The following TJP1 variants were observed in gnomAD, a reference collection of about 807,000 sequenced individuals.
The protein encoded by TJP1 is tight junction protein ZO-1.
A neutral mutation model predicts 194.2 loss-of-function variants in TJP1; 43 were observed. The ratio of observed to expected loss-of-function variants is 0.22; its 90% CI spans 0.17 to 0.29. The LOEUF is 0.29. Among genes scored for constraint, TJP1 ranks in the 10% least tolerant of loss-of-function variants. TJP1 has a pLI of 1.00. For missense variants in TJP1, 1,971 were observed against 2,185.7 expected (o/e 0.90, Z 1.96); for synonymous variants, 801 against 779.0 (o/e 1.03, Z -0.47).
At chr15:29,967,596 G>A (rs2056377391) in intron 1 of TJP1, among the ~76,000 whole-genome samples, 1 of 152,164 alleles carries the variant, frequency 6.6e-6, no homozygotes, top group African/African-American at 2.4e-5. Context: ...GAACTTTGCT[G>A]TCCATATTTG....
intron 2 of TJP1, among the ~76,000 whole-genome samples, chr15:29,877,541 CTTCTCTTTTCTTTCTTTCTTT>C (rs2052748000): frequency 6.6e-6 from 1 of 152,062 alleles, no homozygotes; most frequent in South Asian, 2.1e-4. Context: ...CTTTTCTTCT[CTTCTCTTTTCTTTCTTTCTTT>C]TTCTCTTTCT....
chr15:29,759,830 T>G, intron 8 of TJP1: 1 of 184,530 alleles, frequency 5.4e-6, no homozygotes, highest in Non-Finnish European at 1.1e-5. Flanking sequence ...TCACATTTCA[T>G]TGTGTGTGTG....
At chr15:29,767,958 CTCTT>C (rs569399954) in intron 4 of TJP1, among the ~76,000 whole-genome samples, 47 of 152,290 alleles carry the variant, frequency 3.1e-4, no homozygotes, top group Non-Finnish European at 6.3e-4. Flanking sequence ...AAACTTCAAT[CTCTT>C]TATTTACCTA....
At chr15:29,947,083 C>T (rs1244574069) in intron 2 of TJP1, among the ~76,000 whole-genome samples, 2 of 152,150 alleles carry the variant, frequency 1.3e-5, no homozygotes, top group East Asian at 3.9e-4. Context: ...ACAATGTGGT[C>T]ATTATTTTAT....
intron 2 of TJP1, among the ~76,000 whole-genome samples, chr15:29,833,711 T>A (rs1035532376): frequency 7.9e-5 from 12 of 151,234 alleles, no homozygotes; most frequent in African/African-American, 2.9e-4. Flanking sequence ...AAAGTATTTT[T>A]AAATTAATTG....
chr15:29,799,313 T>C (rs530548132), intron 2 of TJP1, among the ~76,000 whole-genome samples: 2 of 152,258 alleles, frequency 1.3e-5, no homozygotes, highest in Non-Finnish European at 2.9e-5. Context: ...AGGAAGGCCA[T>C]GTTGCAGGTT....
rs371632813 is a variant in TJP1 at position 29,737,248 on chromosome 15, T to C, written c.1407+16A>G. 2.7e-5 allele frequency: 43 copies of C among 1,612,570 alleles called. No individual in the cohort carries two copies. Among genetic ancestry groups the C allele is most frequent in the Non-Finnish European group, 3.4e-5 (40 of 1,179,080 alleles). ...CAAATACTTTTTAACCCACATAAGT[T>C]GCAATACTGACATACCCTGAGAATT... On this transcript the variant is annotated intron_variant, in intron 11 of 27. Transcript: ENST00000614355.
rs765337040 is a variant in TJP1 at position 29,719,874 on chromosome 15, G to T, written c.2906C>A (p.Pro969Gln). 3 of 1,614,104 alleles carry T rather than the reference G, an allele frequency of 1.9e-6. No individual in the cohort carries two copies. Among genetic ancestry groups the T allele is most frequent in the Non-Finnish European group, 1.7e-6 (2 of 1,180,020 alleles). The change falls in exon 20 of 28, where the codon CCA (proline) becomes CAA (glutamine). Residue 969 changes from proline (P) to glutamine (Q), a missense_variant. By Grantham distance (76) the Pro-to-Gln change is moderately conservative. Transcript: ENST00000614355. ...PTPAPSTSYSPQADSLRTPST... is the reference protein window; with the variant it reads ...PTPAPSTSYSQQADSLRTPST... The stretch of plus-strand genomic sequence containing the variant: ...TGGTGTTCTTAAAGAATCAGCTTGT[G>T]GTGAGTAAGAGGTGGAAGGAGCTGG...
Position 29,718,510 on chromosome 15 carries a change from G to C in TJP1, c.3632C>G (p.Ala1211Gly). The C allele has an allele frequency of 6.2e-7, 1 of 1,614,152 alleles. No homozygotes were observed. The highest frequency in any genetic ancestry group is 8.5e-7 in the Non-Finnish European group (1 of 1,180,034). Reference sequence around the variant, plus strand: ...ACCATGGAGAGGCTCAAAATGACCTGCTCTAGAGGTAAATCCTTGGGGTGG... The same window carrying C: ...ACCATGGAGAGGCTCAAAATGACCTCCTCTAGAGGTAAATCCTTGGGGTGG... Reference protein sequence around the residue: ...QVPPQGFTSRAGHFEPLHGAA... With the variant: ...QVPPQGFTSRGGHFEPLHGAA... The change falls in exon 21 of 28, where the codon GCA (alanine) becomes GGA (glycine). Residue 1211 changes from alanine to glycine, a missense_variant. Around this residue, in one of 5 missense-constraint regions of TJP1, gnomAD observed 1,108 missense variants for 1,128.5 expected, o/e 0.98. Coordinates refer to ENST00000614355, the MANE Select transcript of TJP1 (RefSeq NM_001330239.4).
chr15:29,901,151 A>G (rs1374743713), intron 2 of TJP1, among the ~76,000 whole-genome samples: 1 of 152,178 alleles, frequency 6.6e-6, no homozygotes, highest in Non-Finnish European at 1.5e-5. Context: ...AAGGGCATTG[A>G]CGGAACGCTT....
chr15:29,819,402 T>C (rs1345759007), intron 1 of TJP1, among the ~76,000 whole-genome samples: 1 of 152,194 alleles, frequency 6.6e-6, no homozygotes, highest in Non-Finnish European at 1.5e-5. Flanking sequence ...AAAGTAGAGA[T>C]AATAGTTCAC....
chr15:29,883,144 C>T (rs2052996940), intron 2 of TJP1, among the ~76,000 whole-genome samples: 1 of 152,178 alleles, frequency 6.6e-6, no homozygotes, highest in Non-Finnish European at 1.5e-5. Context: ...TTATACAACC[C>T]AAAGCCCACT....
At chr15:29,706,738 G>A (rs45467298) in intron 25 of TJP1, among the ~76,000 whole-genome samples, 1,860 of 152,166 alleles carry the variant, frequency 0.012, 39 homozygotes, top group African/African-American at 0.04. Flanking sequence ...TTGGCTCACT[G>A]CAACCTCCAC....
intron 8 of TJP1, chr15:29,760,439 G>A (rs1231524375): frequency 7.2e-6 from 4 of 554,360 alleles, no homozygotes; most frequent in East Asian, 3.1e-5. Context: ...GCAGTGGTGC[G>A]ATCTCGGCTC....
chr15:29,926,504 C>T (rs557923577), intron 2 of TJP1, among the ~76,000 whole-genome samples: 2 of 151,752 alleles, frequency 1.3e-5, no homozygotes, highest in African/African-American at 2.4e-5. Flanking sequence ...CTCAGCTACT[C>T]GGGAGGCTGA....
intron 8 of TJP1, among the ~76,000 whole-genome samples, chr15:29,750,481 C>T (rs145731926): frequency 6.6e-6 from 1 of 152,088 alleles, no homozygotes; most frequent in Admixed American, 6.5e-5. Flanking sequence ...TTAGTTCTTA[C>T]CAGTCAATCC....
At chr15:29,710,572 A>G (rs2042180064) in intron 24 of TJP1, among the ~76,000 whole-genome samples, 1 of 152,214 alleles carries the variant, frequency 6.6e-6, no homozygotes, top group Non-Finnish European at 1.5e-5. Flanking sequence ...CTTTACATAT[A>G]CTGGCAAACA....
chr15:29,836,856 C>T (rs1433671167), intron 2 of TJP1, among the ~76,000 whole-genome samples: 1 of 152,132 alleles, frequency 6.6e-6, no homozygotes, highest in Non-Finnish European at 1.5e-5. Flanking sequence ...AACAGTCTTC[C>T]TCCCCTCTAG....
chr15:29,865,866 A>G (rs1473663478), intron 2 of TJP1, among the ~76,000 whole-genome samples: 3 of 152,226 alleles, frequency 2.0e-5, no homozygotes, highest in African/African-American at 7.2e-5. Flanking sequence ...ATAGAAGTAG[A>G]GTGTTTAAGA....
Sources: allele counts gnomAD v4.1 joint callset (sites outside exome capture counted in the v4.1 genomes callset), GRCh38; gene constraint gnomAD v4.1.1; regional missense constraint gnomAD v4.1.1; transcripts MANE v1.5; gene names NCBI Gene and HGNC (gene_info 2026-07-23, HGNC 2026-07-21).